SETBP1: variants seen among roughly 807,000 people sequenced by gnomAD.
SETBP1 encodes the protein SET binding protein 1.
SETBP1 carries 9 observed loss-of-function variants against 101.0 expected under a neutral mutation model. The observed-to-expected ratio is 0.09, with a 90% CI of 0.05 to 0.16. The LOEUF (loss-of-function observed/expected upper bound fraction) is 0.16, where lower values mean the gene tolerates loss of function less well. SETBP1 is among the 10% of genes least tolerant of loss of function. SETBP1 has a pLI of 1.00. For missense variants in SETBP1, 1,858 were observed against 2,033.8 expected (o/e 0.91, Z 1.66); for synonymous variants, 818 against 788.5 (o/e 1.04, Z -0.63).
At chr18:44,828,486 A>AT (rs1384121495) in intron 2 of SETBP1, among the ~76,000 whole-genome samples, 2 of 152,228 alleles carry the variant, frequency 1.3e-5, no homozygotes, top group Non-Finnish European at 2.9e-5. Flanking sequence ...GGAATGAGAT[A>AT]TTTTTTATCT....
intron 2 of SETBP1, among the ~76,000 whole-genome samples, chr18:44,812,479 G>A (rs753024844): frequency 6.6e-6 from 1 of 152,094 alleles, no homozygotes; most frequent in Non-Finnish European, 1.5e-5. Flanking sequence ...AAGCACTTGT[G>A]GGTTGCACTA....
intron 2 of SETBP1, among the ~76,000 whole-genome samples, chr18:44,734,011 T>G (rs1161060728): frequency 6.6e-6 from 1 of 152,032 alleles, no homozygotes; most frequent in Non-Finnish European, 1.5e-5. Context: ...TTCACAGAGC[T>G]GGGGGAGTGA....
Position 44,810,812 on chromosome 18 carries a change from G to C in SETBP1, c.487-58418G>C, listed in dbSNP as rs972486079. Among the ~76,000 whole-genome samples, 4 of 152,290 alleles carry C rather than the reference G, an allele frequency of 2.6e-5. No individual in the cohort carries two copies. In the East Asian group the frequency reaches 7.7e-4, roughly 29 times the overall value. ...TCTTGCTCAGAAATATTAAAAAAGA[G>C]ATTTTTCTCAAGCCTGAAGGGACAC... On this transcript the variant is annotated intron_variant, in intron 2 of 5. Transcript: ENST00000649279.
chr18:44,710,568 C>A (rs1176073711), intron 2 of SETBP1, among the ~76,000 whole-genome samples: 1 of 150,206 alleles, frequency 6.7e-6, no homozygotes, highest in Non-Finnish European at 1.5e-5. Flanking sequence ...TCTCCTGCCT[C>A]AGCCTCCCAA....
intron 2 of SETBP1, among the ~76,000 whole-genome samples, chr18:44,775,221 C>G (rs2070972466): frequency 6.6e-6 from 1 of 152,096 alleles, no homozygotes; most frequent in Non-Finnish European, 1.5e-5. Context: ...TATAGAGGCT[C>G]TGGGCAAGGT....
Position 44,951,074 on chromosome 18 carries a change from T to C in SETBP1, c.1734T>C (p.Thr578=), listed in dbSNP as rs751607124. The change falls in exon 4 of 6, where the codon ACT becomes ACC. Residue 578 remains threonine, a synonymous_variant. Transcript: ENST00000649279. This position sits in a 1 kb window ranked among gnomAD's most constrained non-coding sequence, Gnocchi z 7.8. The part of the protein sequence containing the change: ...SPLYTNTDSL[T]VITPVKKKRG... ...TCTACACCAACACAGACAGTCTTAC[T>C]GTGATCACTCCAGTCAAAAAGAAGC... 5.6e-6 allele frequency: 9 copies of C among 1,614,084 alleles called. No homozygotes were observed. In the East Asian group the frequency reaches 2.0e-4, roughly 36 times the overall value.
At chr18:44,948,541 T>TAGATAGATGATAGATAGAC (rs2071266292) in intron 3 of SETBP1, among the ~76,000 whole-genome samples, 1 of 152,004 alleles carries the variant, frequency 6.6e-6, no homozygotes, top group Admixed American at 6.6e-5. Flanking sequence ...GATAGATAGA[T>TAGATAGATGATAGATAGAC]ATTACCAGCT....
intron 2 of SETBP1, among the ~76,000 whole-genome samples, chr18:44,759,526 A>C (rs548182011): frequency 2.6e-5 from 4 of 152,194 alleles, no homozygotes; most frequent in Admixed American, 1.3e-4. Context: ...TTCCTATTTA[A>C]AGTTAGTTTC....
chr18:44,895,202 G>T (rs1447806953), intron 3 of SETBP1, among the ~76,000 whole-genome samples: 13 of 90,722 alleles, frequency 1.4e-4, no homozygotes, highest in South Asian at 1.2e-3. Context: ...GGGGAGGGGA[G>T]GGGAGGGAAG....
chr18:45,063,447 C>T lies in SETBP1; in HGVS notation c.4540C>T (p.His1514Tyr), dbSNP rs1051674190. 6 of 1,492,644 alleles carry T rather than the reference C, an allele frequency of 4.0e-6. No homozygotes were observed. The highest frequency in any genetic ancestry group is 3.6e-6 in the Non-Finnish European group (4 of 1,122,236). The allele number at this position is 1,492,644 out of a possible 1,614,324, so 92.5% of individuals were successfully genotyped here. A position where few individuals can be genotyped will look rare whatever the true frequency, so the allele number is the denominator to read the frequency against. Residue 1514 changes from histidine to tyrosine, a missense_variant, in exon 6 of 6, where the codon CAC (histidine) becomes TAC (tyrosine). Physicochemically the swap from His to Tyr is moderately conservative, Grantham distance 83. This residue lies in a region of SETBP1 where 178 missense variants were observed against 189.1 expected (regional missense o/e 0.94). Coordinates refer to ENST00000649279, the MANE Select transcript of SETBP1 (RefSeq NM_015559.3). The stretch of plus-strand genomic sequence containing the variant: ...CATGGCCACCATCGAGGCGGTCATC[C>T]ACATGGCCCGGGAGGCGCCGCCCCT... ...TIMATIEAVI[H>Y]MAREAPPLPP...
intron 2 of SETBP1, among the ~76,000 whole-genome samples, chr18:44,839,475 G>A (rs1320045308): frequency 7.8e-6 from 1 of 127,432 alleles, no homozygotes; most frequent in Non-Finnish European, 1.6e-5. Context: ...AGCATCTCCG[G>A]ACTCTCAGCT....
chr18:44,728,565 G>A (rs2069765154), intron 2 of SETBP1, among the ~76,000 whole-genome samples: 1 of 152,152 alleles, frequency 6.6e-6, no homozygotes, highest in South Asian at 2.1e-4. Context: ...AATAAGACAT[G>A]TCATTTGCCT....
intron 2 of SETBP1, among the ~76,000 whole-genome samples, chr18:44,775,964 C>A (rs1258541774): frequency 6.6e-6 from 1 of 150,888 alleles, no homozygotes; most frequent in Non-Finnish European, 1.5e-5. Context: ...ATGGCCCTAT[C>A]CTGTCTCTAT....
chr18:44,984,791 G>A (rs2072192679), intron 4 of SETBP1, among the ~76,000 whole-genome samples: 1 of 152,146 alleles, frequency 6.6e-6, no homozygotes, highest in Admixed American at 6.5e-5. Context: ...GTGATTTAAA[G>A]TTTACATGCT....
At chr18:44,877,345 GT>G in intron 3 of SETBP1, 3 of 943,008 alleles carry the variant, frequency 3.2e-6, no homozygotes, top group Non-Finnish European at 3.8e-6. Context: ...ATCAAAGATC[GT>G]TTGATAAGCT....
At chr18:44,809,229 A>G (rs1677992886) in intron 2 of SETBP1, among the ~76,000 whole-genome samples, 1 of 152,186 alleles carries the variant, frequency 6.6e-6, no homozygotes, top group South Asian at 2.1e-4. Context: ...TATAAAGGCA[A>G]ATCCAGCAAA....
At chr18:44,888,554 T>C (rs1450745739) in intron 3 of SETBP1, among the ~76,000 whole-genome samples, 1 of 152,136 alleles carries the variant, frequency 6.6e-6, no homozygotes, top group African/African-American at 2.4e-5. Flanking sequence ...GCTTTGTGCT[T>C]TTATTAAAAC....
intron 4 of SETBP1, among the ~76,000 whole-genome samples, chr18:45,001,523 T>A (rs1263511013): frequency 1.3e-5 from 2 of 152,168 alleles, no homozygotes; most frequent in African/African-American, 4.8e-5. Flanking sequence ...GGGGAGCTGT[T>A]CATCTCTGCC....
At chr18:44,850,563 G>T (rs1853121173) in intron 2 of SETBP1, among the ~76,000 whole-genome samples, 1 of 151,984 alleles carries the variant, frequency 6.6e-6, no homozygotes. Flanking sequence ...TAGAGGCAGG[G>T]TTTCACCATA....
Sources: allele counts gnomAD v4.1 joint callset (sites outside exome capture counted in the v4.1 genomes callset), GRCh38; gene constraint gnomAD v4.1.1; regional missense constraint gnomAD v4.1.1; non-coding constraint Gnocchi (gnomAD v3.1); transcripts MANE v1.5; gene names NCBI Gene and HGNC (gene_info 2026-07-23, HGNC 2026-07-21).